WWOX: variants seen among roughly 807,000 people sequenced by gnomAD.
The protein encoded by WWOX is WW domain-containing oxidoreductase.
In WWOX, 69 loss-of-function variants were observed where a neutral mutation model predicts 46.2. That is an observed-to-expected ratio of 1.49 (90% CI 1.23 to 1.82). The LOEUF (loss-of-function observed/expected upper bound fraction) is 1.82, where lower values mean the gene tolerates loss of function less well. WWOX is among the 40% of genes most tolerant of loss of function. WWOX has a pLI of 0.00. For synonymous variants in WWOX, 359 were observed against 202.6 expected, an observed-to-expected ratio of 1.77 and a Z score of -6.56; for missense variants, 919 against 542.6, an observed-to-expected ratio of 1.69 and a Z score of -6.89.
At chr16:78,968,669 C>T (rs1047467821) in intron 8 of WWOX, among the ~76,000 whole-genome samples, 4 of 152,152 alleles carry the variant, frequency 2.6e-5, no homozygotes, top group Non-Finnish European at 5.9e-5. Context: ...AGGCTGATAT[C>T]GGGAGAGGCA....
intron 8 of WWOX, among the ~76,000 whole-genome samples, chr16:79,011,348 A>T (rs2047303361): frequency 6.6e-6 from 1 of 151,886 alleles, no homozygotes; most frequent in African/African-American, 2.4e-5. Flanking sequence ...TCAAATTTTC[A>T]TGTCTCCAAT....
chr16:78,133,482 A>C (rs1302358461), intron 4 of WWOX, among the ~76,000 whole-genome samples: 3 of 152,164 alleles, frequency 2.0e-5, no homozygotes, highest in Non-Finnish European at 2.9e-5. Flanking sequence ...GCTGGTCTTG[A>C]ACTCCTAACC....
chr16:78,748,325 A>C (rs756583512), intron 8 of WWOX, among the ~76,000 whole-genome samples: 1 of 152,242 alleles, frequency 6.6e-6, no homozygotes, highest in Non-Finnish European at 1.5e-5. Flanking sequence ...TATGCAAATA[A>C]TTACTGTTAC....
At chr16:78,974,310 T>A (rs1055983884) in intron 8 of WWOX, among the ~76,000 whole-genome samples, 2 of 152,194 alleles carry the variant, frequency 1.3e-5, no homozygotes, top group South Asian at 2.1e-4. Context: ...CGCCTTCCAG[T>A]ACAGATAATA....
chr16:78,701,950 C>T (rs1415902545), intron 8 of WWOX, among the ~76,000 whole-genome samples: 2 of 139,464 alleles, frequency 1.4e-5, no homozygotes, highest in African/African-American at 5.4e-5. Flanking sequence ...ACTGGGAGGC[C>T]GAGATGGGAG....
intron 8 of WWOX, among the ~76,000 whole-genome samples, chr16:78,818,175 G>C (rs1264306336): frequency 6.6e-6 from 1 of 152,204 alleles, no homozygotes; most frequent in African/African-American, 2.4e-5. Flanking sequence ...CCTTGCAGAA[G>C]GTAGTCTCTG....
intron 8 of WWOX, among the ~76,000 whole-genome samples, chr16:78,860,090 A>C (rs557603611): frequency 1.3e-5 from 2 of 152,346 alleles, no homozygotes; most frequent in East Asian, 3.9e-4. Context: ...TTATGCACAA[A>C]CACATAAACT....
At chr16:78,873,718 G>C (rs1401530165) in intron 8 of WWOX, among the ~76,000 whole-genome samples, 1 of 152,166 alleles carries the variant, frequency 6.6e-6, no homozygotes. Context: ...GAGGCCGGAA[G>C]TTCAAGGCTG....
Position 78,277,946 on chromosome 16 carries a change from A to G in WWOX, c.517-108914A>G, listed in dbSNP as rs540553347. 6.4e-4 allele frequency among the ~76,000 whole-genome samples: 98 copies of G among 152,338 alleles called. No homozygotes were observed. In the Middle Eastern group the frequency reaches 0.01, roughly 16 times the overall value. On this transcript the variant is annotated intron_variant, in intron 5 of 8. Transcript: ENST00000566780. The stretch of plus-strand genomic sequence containing the variant: ...GAATTTGTTAATGCTGACTTGGCCC[A>G]CCATGGGGTTAAAAAAAGTGAATTT...
chr16:78,887,647 T>C (rs1286432660), intron 8 of WWOX, among the ~76,000 whole-genome samples: 4 of 152,132 alleles, frequency 2.6e-5, no homozygotes, highest in Non-Finnish European at 5.9e-5. Flanking sequence ...TCAGATAAGA[T>C]ATATGTGGAT....
intron 8 of WWOX, among the ~76,000 whole-genome samples, chr16:79,107,012 T>C (rs995136560): frequency 6.6e-6 from 1 of 152,054 alleles, no homozygotes; most frequent in Admixed American, 6.6e-5. Context: ...GGTTTCACCA[T>C]GGTGGCCAGG....
At chr16:78,427,395 T>C (rs531155580) in intron 7 of WWOX, among the ~76,000 whole-genome samples, 26 of 152,272 alleles carry the variant, frequency 1.7e-4, no homozygotes, top group African/African-American at 5.1e-4. Context: ...AGTTGACTTC[T>C]TTGCTGTGAA....
In WWOX at chr16:78,871,911, C is replaced by T. The variant is rs141120524; in HGVS notation, c.1057-339697C>T. 8.1e-3 allele frequency among the ~76,000 whole-genome samples: 1,233 copies of T among 152,288 alleles called. 11 individuals carry two copies. The highest frequency in any genetic ancestry group is 0.017 in the Middle Eastern group (5 of 294). On this transcript the variant is annotated intron_variant, in intron 8 of 8. Transcript: ENST00000566780. ...AGCCCCCAGGCCCTACCCTGGGCCC[C>T]TCCTTTCTGGCCCCTCAACCTGTTT...
intron 8 of WWOX, among the ~76,000 whole-genome samples, chr16:78,528,930 T>C (rs762497714): frequency 2.7e-5 from 4 of 150,210 alleles, no homozygotes; most frequent in Non-Finnish European, 5.9e-5. Flanking sequence ...TTTTTTTCTT[T>C]CCTTTTTCTT....
chr16:78,531,860 A>T (rs888334336), intron 8 of WWOX, among the ~76,000 whole-genome samples: 71 of 152,186 alleles, frequency 4.7e-4, no homozygotes, highest in Non-Finnish European at 7.4e-5. Context: ...TCTGTCTCAA[A>T]ATAAACAAAC....
intron 8 of WWOX, among the ~76,000 whole-genome samples, chr16:78,521,111 C>T (rs1305071854): frequency 6.6e-6 from 1 of 152,200 alleles, no homozygotes; most frequent in Non-Finnish European, 1.5e-5. Flanking sequence ...GACTTCCTTG[C>T]TTTAAAACAT....
chr16:78,429,281 G>A (rs543387561), intron 7 of WWOX, among the ~76,000 whole-genome samples: 2 of 152,336 alleles, frequency 1.3e-5, no homozygotes, highest in East Asian at 3.9e-4. Context: ...TGGAAGGCCA[G>A]TAATGTCAGT....
At chr16:79,208,478 AC>A (rs1233048154) in intron 8 of WWOX, among the ~76,000 whole-genome samples, 6 of 152,212 alleles carry the variant, frequency 3.9e-5, no homozygotes, top group African/African-American at 1.4e-4. Flanking sequence ...AGCATTGATG[AC>A]AACTGGCAAG....
chr16:78,836,748 C>A (rs2051995970), intron 8 of WWOX, among the ~76,000 whole-genome samples: 1 of 152,108 alleles, frequency 6.6e-6, no homozygotes, highest in Admixed American at 6.6e-5. Context: ...TGAGGCTGGA[C>A]CCCAGGATTT....
Sources: gnomAD v4.1 joint callset for allele counts (sites outside exome capture counted in the v4.1 genomes callset) on GRCh38, gnomAD v4.1.1 for gene constraint, MANE v1.5 for transcripts, NCBI Gene and HGNC (gene_info 2026-07-23, HGNC 2026-07-21) for gene names.